The following TMEM108 variants were observed in gnomAD, a reference collection of about 807,000 sequenced individuals.
TMEM108 encodes the protein transmembrane protein 108.
A neutral mutation model predicts 35.1 loss-of-function variants in TMEM108; 12 were observed. The ratio of observed to expected loss-of-function variants is 0.34; its 90% confidence interval spans 0.22 to 0.55. TMEM108 has a LOEUF of 0.55. TMEM108 is among the 20% of genes least tolerant of loss of function. The pLI, the probability that TMEM108 is intolerant of heterozygous loss-of-function variation, is 0.89. For missense variants in TMEM108, 680 were observed against 753.3 expected, an observed-to-expected ratio of 0.90 and a Z score of 1.14; for synonymous variants, 287 against 308.6, an observed-to-expected ratio of 0.93 and a Z score of 0.73.
chr3:133,326,322 A>G (rs992573994), intron 3 of TMEM108, among the ~76,000 whole-genome samples: 1 of 152,128 alleles, frequency 6.6e-6, no homozygotes, highest in East Asian at 1.9e-4. Flanking sequence ...AGACTCTCCT[A>G]TTCTGGGTCT....
At chr3:133,188,837 A>T (rs1427455662) in intron 2 of TMEM108, among the ~76,000 whole-genome samples, 3 of 152,202 alleles carry the variant, frequency 2.0e-5, no homozygotes, top group African/African-American at 7.2e-5. Flanking sequence ...GAGAGGGTTC[A>T]TGTTCCGTAT....
At chr3:133,245,148 G>A (rs1946367211) in intron 3 of TMEM108, among the ~76,000 whole-genome samples, 1 of 152,202 alleles carries the variant, frequency 6.6e-6, no homozygotes, top group African/African-American at 2.4e-5. Context: ...AGATCCTTTA[G>A]TAATTGCCAC....
At chr3:133,178,288 G>T (rs76361218) in intron 2 of TMEM108, among the ~76,000 whole-genome samples, 2,998 of 152,234 alleles carry the variant, frequency 0.02, 90 homozygotes, top group Admixed American at 0.059. Flanking sequence ...GCCAATGACT[G>T]TCTTCACAGA....
rs184115400 is a variant in TMEM108, at chr3:133,375,746, G to A, written c.41-4006G>A. On this transcript the variant is annotated intron_variant, in intron 3 of 5. Coordinates refer to ENST00000321871, the MANE Select transcript of TMEM108 (RefSeq NM_023943.4). Reference sequence around the variant, plus strand: ...TATTTGGCTAGCACAACATTGTAGGGATTTTTATTATACAAATGAAAAGTT... The same window carrying A: ...TATTTGGCTAGCACAACATTGTAGGAATTTTTATTATACAAATGAAAAGTT... Among the ~76,000 whole-genome samples the A allele has an allele frequency of 2.4e-4, 37 of 152,322 alleles. No individual in the cohort carries two copies. The East Asian group carries it at 7.1e-3, about 29-fold the overall frequency.
At chr3:133,079,833 T>G (rs1431636390) in intron 2 of TMEM108, among the ~76,000 whole-genome samples, 1 of 152,172 alleles carries the variant, frequency 6.6e-6, no homozygotes, top group Non-Finnish European at 1.5e-5. Flanking sequence ...TGTGACCGTC[T>G]TGCTTACCTG....
Position 133,162,149 on chromosome 3 carries a change from CT to C in TMEM108, c.-46-67105del, listed in dbSNP as rs538316853. 9.3e-3 allele frequency among the ~76,000 whole-genome samples: 1,367 copies of C among 146,520 alleles called. 12 individuals carry two copies. The highest frequency in any genetic ancestry group is 0.026 in the African/African-American group (1,028 of 40,086). Reference sequence around the variant, plus strand: ...TACTTGTGGAGCATTGAATCCTAGACTTTTTTTTTTTTCATATATACAAAAG... The same window carrying C: ...TACTTGTGGAGCATTGAATCCTAGACTTTTTTTTTTTCATATATACAAAAG... On this transcript the variant is annotated intron_variant, in intron 2 of 5. Coordinates refer to ENST00000321871, the MANE Select transcript of TMEM108 (RefSeq NM_023943.4).
intron 3 of TMEM108, among the ~76,000 whole-genome samples, chr3:133,286,109 G>A (rs893096704): frequency 3.3e-5 from 5 of 152,138 alleles, no homozygotes; most frequent in Non-Finnish European, 7.4e-5. Flanking sequence ...AATGTGCGTT[G>A]AATTAATAAA....
intron 3 of TMEM108, among the ~76,000 whole-genome samples, chr3:133,312,686 G>C (rs1250914725): frequency 1.3e-5 from 2 of 152,220 alleles, no homozygotes; most frequent in African/African-American, 4.8e-5. Context: ...GTGCTTCCCA[G>C]GTGAGGCAAT....
intron 2 of TMEM108, among the ~76,000 whole-genome samples, chr3:133,156,268 G>C (rs1271101472): frequency 6.6e-6 from 1 of 152,064 alleles, no homozygotes; most frequent in East Asian, 1.9e-4. Context: ...TTATGTCTCT[G>C]CAGTAGCTGA....
At chr3:133,202,312 T>C (rs889151784) in intron 2 of TMEM108, among the ~76,000 whole-genome samples, 1 of 152,234 alleles carries the variant, frequency 6.6e-6, no homozygotes, top group African/African-American at 2.4e-5. Flanking sequence ...GCCCCATTTG[T>C]CAATTTTGGC....
intron 2 of TMEM108, among the ~76,000 whole-genome samples, chr3:133,110,560 C>T (rs571783490): frequency 1.3e-5 from 2 of 151,156 alleles, no homozygotes; most frequent in South Asian, 2.1e-4. Flanking sequence ...GAGGAAGTGT[C>T]GAGTTGCTGG....
At chr3:133,175,889 G>T (rs1160688494) in intron 2 of TMEM108, among the ~76,000 whole-genome samples, 8 of 144,408 alleles carry the variant, frequency 5.5e-5, no homozygotes, top group African/African-American at 1.8e-4. Context: ...ATTGGATAAA[G>T]AGTCAAGACC....
intron 3 of TMEM108, among the ~76,000 whole-genome samples, chr3:133,272,313 T>TGTGTGTG (rs1559888647): frequency 1.5e-4 from 15 of 98,034 alleles, no homozygotes; most frequent in Middle Eastern, 5.2e-3. Flanking sequence ...GTGTGTGTGT[T>TGTGTGTG]TCCTAAAGGA....
chr3:133,109,099 T>C (rs1944195073), intron 2 of TMEM108, among the ~76,000 whole-genome samples: 1 of 152,060 alleles, frequency 6.6e-6, no homozygotes, highest in Non-Finnish European at 1.5e-5. Context: ...TTGGAGTTCA[T>C]TGGTAGAATG....
At chr3:133,043,107 T>A (rs764226069) in intron 1 of TMEM108, among the ~76,000 whole-genome samples, 1 of 152,224 alleles carries the variant, frequency 6.6e-6, no homozygotes, top group African/African-American at 2.4e-5. Flanking sequence ...GAAAAAACTT[T>A]CATCATCCTA....
Position 133,086,277 on chromosome 3 carries a change from T to A in TMEM108, c.-47+40257T>A, listed in dbSNP as rs542372371. Among the ~76,000 whole-genome samples the A allele has an allele frequency of 8.5e-5, 13 of 152,292 alleles. No individual in the cohort carries two copies. In the South Asian group the frequency reaches 2.5e-3, roughly 29 times the overall value. ...CTGGAGTCCACCTTAGTTCCCTTCT[T>A]ACTTAATCTCTCGAGCATTTGAGCT... is the stretch of plus-strand genomic sequence containing the variant. On this transcript the variant is annotated intron_variant, in intron 2 of 5. Coordinates refer to ENST00000321871, the MANE Select transcript of TMEM108 (RefSeq NM_023943.4).
At chr3:133,319,910 T>G (rs1387774086) in intron 3 of TMEM108, among the ~76,000 whole-genome samples, 1 of 152,116 alleles carries the variant, frequency 6.6e-6, no homozygotes, top group East Asian at 1.9e-4. Context: ...AGTTCCAGAT[T>G]TTTCCACTGA....
chr3:133,083,868 A>G (rs1943846633), intron 2 of TMEM108, among the ~76,000 whole-genome samples: 1 of 135,386 alleles, frequency 7.4e-6, no homozygotes, highest in Non-Finnish European at 1.7e-5. Context: ...GCTAGTCCTG[A>G]GATAAAGTAA....
At chr3:133,132,692 T>C (rs1247529767) in intron 2 of TMEM108, among the ~76,000 whole-genome samples, 1 of 152,158 alleles carries the variant, frequency 6.6e-6, no homozygotes, top group Non-Finnish European at 1.5e-5. Flanking sequence ...TCAAGTCTTA[T>C]TATTTAAGAA....
Sources: allele counts gnomAD v4.1 joint callset (sites outside exome capture counted in the v4.1 genomes callset), GRCh38; gene constraint gnomAD v4.1.1; transcripts MANE v1.5; gene names NCBI Gene and HGNC (gene_info 2026-07-23, HGNC 2026-07-21).